Variants in LRRC49 observed in about 807,000 individuals in gnomAD.
LRRC49 encodes the protein leucine-rich repeat-containing protein 49.
Under a neutral mutation model 83.3 loss-of-function variants are expected in LRRC49, and 50 were observed. That is an observed-to-expected ratio of 0.60 (90% CI 0.48 to 0.76). The LOEUF (loss-of-function observed/expected upper bound fraction) is 0.76, where lower values mean the gene tolerates loss of function less well. Ranked by LOEUF, LRRC49 falls within the 30% of genes least tolerant of loss-of-function variation. LRRC49 has a pLI of 0.00. For missense variants in LRRC49, 704 were observed against 809.1 expected (o/e 0.87, Z 1.58); for synonymous variants, 286 against 283.3 (o/e 1.01, Z -0.10).
intron 2 of LRRC49, among the ~76,000 whole-genome samples, chr15:70,886,565 A>C (rs932020883): frequency 4.6e-5 from 7 of 152,188 alleles, no homozygotes; most frequent in Middle Eastern, 3.2e-3. Context: ...CTTTGGAAAG[A>C]CTAATAAAAA....
At chr15:70,865,314 T>C (rs919809764) in intron 1 of LRRC49, among the ~76,000 whole-genome samples, 3 of 152,200 alleles carry the variant, frequency 2.0e-5, no homozygotes, top group African/African-American at 7.2e-5. Context: ...TCGTTAAAAA[T>C]TTATCACCAT....
intron 8 of LRRC49, among the ~76,000 whole-genome samples, chr15:70,942,240 G>T (rs1274240357): frequency 6.6e-6 from 1 of 152,076 alleles, no homozygotes; most frequent in Non-Finnish European, 1.5e-5. Flanking sequence ...TGAAAACACT[G>T]ATGTACCAAA....
At chr15:71,022,951 A>G (rs1243648613) in intron 14 of LRRC49, among the ~76,000 whole-genome samples, 1 of 152,254 alleles carries the variant, frequency 6.6e-6, no homozygotes, top group African/African-American at 2.4e-5. Context: ...CACATGGAGC[A>G]TGTTTTCTAT....
chr15:70,964,643 T>C (rs140936727), intron 9 of LRRC49, among the ~76,000 whole-genome samples: 1 of 152,288 alleles, frequency 6.6e-6, no homozygotes, highest in East Asian at 1.9e-4. Context: ...GTACAATGTG[T>C]ATTAGCATAT....
At chr15:70,858,947 G>A (rs2032718841) in intron 1 of LRRC49, 1 of 808,480 alleles carries the variant, frequency 1.2e-6, no homozygotes, top group Admixed American at 1.7e-5. Flanking sequence ...CTCTTAACCT[G>A]GAGGTGGACC....
intron 5 of LRRC49, among the ~76,000 whole-genome samples, chr15:70,910,043 A>G (rs567078050): frequency 1.1e-3 from 160 of 152,160 alleles, no homozygotes; most frequent in African/African-American, 3.7e-3. Flanking sequence ...GATGATTTGG[A>G]TGAAGTGAGG....
At chr15:70,984,492 A>C (rs558416926) in intron 11 of LRRC49, 101 of 359,876 alleles carry the variant, frequency 2.8e-4, no homozygotes, top group Non-Finnish European at 4.1e-4. Flanking sequence ...TAGATTTCTT[A>C]ATATAGTCTA....
intron 7 of LRRC49, among the ~76,000 whole-genome samples, chr15:70,928,575 A>G (rs2035295139): frequency 6.6e-6 from 1 of 151,340 alleles, no homozygotes; most frequent in Admixed American, 6.6e-5. Flanking sequence ...TTATTTATTT[A>G]TTTATTTTTG....
Position 70,984,154 on chromosome 15 carries a change from G to C in LRRC49, c.1066G>C (p.Val356Leu). ...ACAGTGGGACTTGCAACAACAACGA[G>C]TAGCCAATATTGCTACAAATGAAGA... ...ARQWDLQQQR[V>L]ANIATNEDRK... The change falls in exon 11 of 16, where the codon GTA (valine) becomes CTA (leucine). Residue 356 changes from valine to leucine, a missense_variant. Physicochemically the swap from Val to Leu is conservative, Grantham distance 32 (BLOSUM62 1). Transcript: ENST00000260382. The C allele has an allele frequency of 6.2e-7, 1 of 1,613,218 alleles. No homozygotes were observed. The highest frequency in any genetic ancestry group is 8.5e-7 in the Non-Finnish European group (1 of 1,179,434).
In LRRC49 at chr15:70,927,545, C is replaced by G. The variant is rs118031120; in HGVS notation, c.711+8352C>G. Among the ~76,000 whole-genome samples, 853 of 152,292 alleles carry G rather than the reference C, an allele frequency of 5.6e-3. 4 individuals carry two copies. The highest frequency in any genetic ancestry group is 0.024 in the Middle Eastern group (7 of 294). ...ATCTTTTGTGTTCTGTCTGAGAAAT[C>G]TTTTCCTGTCCCAATATCATGACTA... On this transcript the variant is annotated intron_variant, in intron 7 of 15. Coordinates refer to ENST00000260382, the MANE Select transcript of LRRC49 (RefSeq NM_017691.5).
chr15:71,004,911 G>A (rs552622397), intron 11 of LRRC49, among the ~76,000 whole-genome samples: 3 of 152,188 alleles, frequency 2.0e-5, no homozygotes, highest in Admixed American at 1.3e-4. Flanking sequence ...AAGGTGGGAG[G>A]AGGAGGAAAA....
rs187778557 is a variant in LRRC49, at chr15:71,020,431, T to G, written c.1703+7518T>G. ...TATTAAAACAGATAATGGCAAAAAT[T>G]GTTCAGAACTGATGAAATACACAAA... On this transcript the variant is annotated intron_variant, in intron 14 of 15. Coordinates refer to ENST00000260382, the MANE Select transcript of LRRC49 (RefSeq NM_017691.5). 1.8e-3 allele frequency among the ~76,000 whole-genome samples: 273 copies of G among 152,280 alleles called. 1 individual carries two copies. The highest frequency in any genetic ancestry group is 3.2e-3 in the Non-Finnish European group (216 of 68,012).
At chr15:70,928,311 C>T (rs577575151) in intron 7 of LRRC49, among the ~76,000 whole-genome samples, 11 of 151,934 alleles carry the variant, frequency 7.2e-5, no homozygotes, top group South Asian at 2.1e-4. Context: ...TGCATAAAAA[C>T]GATATTCAGT....
intron 8 of LRRC49, among the ~76,000 whole-genome samples, chr15:70,941,335 C>A (rs2035806299): frequency 6.6e-6 from 1 of 151,848 alleles, no homozygotes; most frequent in East Asian, 1.9e-4. Context: ...CATTGTATAT[C>A]TTATTTCAAT....
At chr15:71,049,328 T>G (rs1239996271) in intron 15 of LRRC49, 81 bp from the exon 16 acceptor site, 1 of 891,948 alleles carries the variant, frequency 1.1e-6, no homozygotes, top group Non-Finnish European at 1.7e-6. Context: ...ATTATTTCAA[T>G]TTTCTGTGGT....
chr15:71,044,088 G>C (rs972121467), intron 15 of LRRC49, among the ~76,000 whole-genome samples: 2 of 152,120 alleles, frequency 1.3e-5, no homozygotes, highest in Non-Finnish European at 2.9e-5. Context: ...TTCTTTGTAG[G>C]AGTTCCTATG....
chr15:70,865,398 G>A (rs1306143341), intron 1 of LRRC49, among the ~76,000 whole-genome samples: 4 of 152,042 alleles, frequency 2.6e-5, no homozygotes. Context: ...ACAATATCAT[G>A]GTTGCGTCTA....
rs976185670 is a variant in LRRC49, at chr15:71,049,842, C to A, written c.*230C>A. 2 of 439,660 alleles carry A rather than the reference C, an allele frequency of 4.5e-6. No individual in the cohort carries two copies. Among genetic ancestry groups the A allele is most frequent in the Admixed American group, 8.1e-5 (2 of 24,618 alleles). The allele number at this position is 439,660 out of a possible 1,614,324, so 27.2% of individuals were successfully genotyped here. A position where few individuals can be genotyped will look rare whatever the true frequency, so the allele number is the denominator to read the frequency against. ...GTGAGGACCAAACAACCTTTGGGAACTAAACAGTTTTCAGAGATGGCGTGG... is the reference window on the plus strand; with the variant it reads ...GTGAGGACCAAACAACCTTTGGGAAATAAACAGTTTTCAGAGATGGCGTGG... On this transcript the variant is annotated 3_prime_UTR_variant, in exon 16 of 16. Transcript: ENST00000260382.
At chr15:70,900,383 C>T (rs186885345) in intron 3 of LRRC49, 1 of 435,652 alleles carries the variant, frequency 2.3e-6, no homozygotes, top group Non-Finnish European at 4.6e-6. Context: ...AGAGATGATG[C>T]GAGGTTTACA....
Sources: allele counts gnomAD v4.1 joint callset (sites outside exome capture counted in the v4.1 genomes callset), GRCh38; gene constraint gnomAD v4.1.1; transcripts MANE v1.5; gene names NCBI Gene and HGNC (gene_info 2026-07-23, HGNC 2026-07-21).